The following RFC3 variants were observed in gnomAD, a reference collection of about 807,000 sequenced individuals.
The protein encoded by RFC3 is A1 38 kDa subunit.
A neutral mutation model predicts 45.1 loss-of-function variants in RFC3; 41 were observed. That is an observed-to-expected ratio of 0.91 (90% CI 0.71 to 1.18). The LOEUF (loss-of-function observed/expected upper bound fraction) is 1.18, where lower values mean the gene tolerates loss of function less well. Ranked by LOEUF, RFC3 falls within the 50% of genes most tolerant of loss-of-function variation. The probability of loss-of-function intolerance (pLI) is 0.00; values close to 1 mark genes in which losing one functional copy is unlikely to be tolerated. For missense variants in RFC3, 423 were observed against 428.1 expected, an observed-to-expected ratio of 0.99 and a Z score of 0.10; for synonymous variants, 149 against 144.0, an observed-to-expected ratio of 1.03 and a Z score of -0.25.
intron 8 of RFC3, among the ~76,000 whole-genome samples, chr13:33,891,864 TTAAGAA>T (rs1037310692): frequency 1.9e-4 from 29 of 152,222 alleles, no homozygotes; most frequent in African/African-American, 6.5e-4. Flanking sequence ...GTCCCATATA[TTAAGAA>T]TAAGAATAGT....
rs9570617 is a variant in RFC3 at position 33,936,386 on chromosome 13, T to G, written c.880-29701T>G. On this transcript the variant is annotated intron_variant, in intron 8 of 8. Transcript: ENST00000434425. ...ATTTAGTTATAACCATGGATGCTAT[T>G]ATGGGTTGAATTTTGTACCCCCCAA... Among the ~76,000 whole-genome samples the G allele has an allele frequency of 5.5e-4, 83 of 152,190 alleles. No individual in the cohort carries two copies. The East Asian group carries it at 0.015, about 28-fold the overall frequency.
the RFC3 span, among the ~76,000 whole-genome samples, chr13:33,974,627 T>C: frequency 6.6e-6 from 1 of 152,188 alleles, no homozygotes; most frequent in African/African-American, 2.4e-5. Flanking sequence ...AGTAAGAATA[T>C]GCAATGTCAA....
intron 8 of RFC3, among the ~76,000 whole-genome samples, chr13:33,885,832 C>T (rs371275283): frequency 6.6e-6 from 1 of 152,242 alleles, no homozygotes; most frequent in South Asian, 2.1e-4. Context: ...GAGTTGCCTA[C>T]CCCAGAGCTC....
chr13:33,898,981 A>G (rs563699228), intron 8 of RFC3, among the ~76,000 whole-genome samples: 3 of 151,860 alleles, frequency 2.0e-5, no homozygotes, highest in Non-Finnish European at 4.4e-5. Flanking sequence ...CCACAAACCA[A>G]TAACAAGTAA....
At chr13:33,973,685 C>G in the RFC3 span, among the ~76,000 whole-genome samples, 1 of 147,842 alleles carries the variant, frequency 6.8e-6, no homozygotes, top group South Asian at 2.1e-4. Flanking sequence ...GAGTCTCACT[C>G]TGTTGCCCAG....
chr13:33,825,172 TTGAC>T (rs1429553649), intron 3 of RFC3, among the ~76,000 whole-genome samples: 3 of 152,196 alleles, frequency 2.0e-5, no homozygotes, highest in African/African-American at 7.2e-5. Flanking sequence ...TGAGAGGTCT[TTGAC>T]TGAAGTGCCA....
chr13:33,970,954 G>C (rs1313366999), downstream of RFC3, among the ~76,000 whole-genome samples: 1 of 152,170 alleles, frequency 6.6e-6, no homozygotes, highest in African/African-American at 2.4e-5. Context: ...CACTTAAATG[G>C]CAACAGCCAG....
intron 8 of RFC3, among the ~76,000 whole-genome samples, chr13:33,855,001 A>G (rs9634895): frequency 0.061 from 9,336 of 152,154 alleles, 427 homozygotes; most frequent in South Asian, 0.15. Context: ...CATAAGCTCT[A>G]TGAACATGGT....
At chr13:33,962,048 G>A (rs913159830) in intron 8 of RFC3, among the ~76,000 whole-genome samples, 15 of 152,170 alleles carry the variant, frequency 9.9e-5, no homozygotes, top group Admixed American at 1.3e-4. Flanking sequence ...GGAGTGTCAG[G>A]CAAGCCCTTC....
chr13:33,818,947 A>G (rs1377193406), intron 1 of RFC3, among the ~76,000 whole-genome samples: 2 of 143,338 alleles, frequency 1.4e-5, no homozygotes, highest in African/African-American at 5.4e-5. Context: ...CTGGAATGCA[A>G]TGGCGCGGTC....
At chr13:33,910,057 T>A in intron 8 of RFC3, among the ~76,000 whole-genome samples, 1 of 152,126 alleles carries the variant, frequency 6.6e-6, no homozygotes. Flanking sequence ...TGGCATTAAT[T>A]AATTTCATTT....
At chr13:33,908,587 GA>G (rs1404446155) in intron 8 of RFC3, among the ~76,000 whole-genome samples, 3 of 144,792 alleles carry the variant, frequency 2.1e-5, no homozygotes, top group Non-Finnish European at 4.5e-5. Context: ...GTTCGCCAGA[GA>G]AAAAGAACAC....
chr13:33,940,189 C>A (rs537808313), intron 8 of RFC3, among the ~76,000 whole-genome samples: 133 of 151,880 alleles, frequency 8.8e-4, no homozygotes, highest in South Asian at 6.7e-3. Flanking sequence ...TAATTTTGAA[C>A]CTTTCTTCTG....
At chr13:33,948,034 T>C (rs904342903) in intron 8 of RFC3, among the ~76,000 whole-genome samples, 1 of 151,824 alleles carries the variant, frequency 6.6e-6, no homozygotes, top group Non-Finnish European at 1.5e-5. Context: ...TAATGAGGAG[T>C]GAAATGTTAA....
At chr13:33,890,178 A>G (rs2082554810) in intron 8 of RFC3, among the ~76,000 whole-genome samples, 1 of 152,156 alleles carries the variant, frequency 6.6e-6, no homozygotes, top group African/African-American at 2.4e-5. Context: ...GTAGGGTCCC[A>G]GCTTTGACTT....
intron 8 of RFC3, among the ~76,000 whole-genome samples, chr13:33,883,537 C>A (rs7327090): frequency 6.6e-6 from 1 of 151,942 alleles, no homozygotes; most frequent in Non-Finnish European, 1.5e-5. Flanking sequence ...AACACTCACA[C>A]CTGAAACAAT....
At chr13:33,869,231 T>C (rs2082392427) in intron 8 of RFC3, among the ~76,000 whole-genome samples, 1 of 152,214 alleles carries the variant, frequency 6.6e-6, no homozygotes, top group Non-Finnish European at 1.5e-5. Context: ...CAATATCCTT[T>C]TGGCAAATGC....
downstream of RFC3, among the ~76,000 whole-genome samples, chr13:33,840,821 C>T (rs776386207): frequency 6.6e-6 from 1 of 152,008 alleles, no homozygotes; most frequent in Non-Finnish European, 1.5e-5. Context: ...ATATGTGTAG[C>T]TACTAGTCTG....
chr13:33,950,101 A>T (rs1040604983), intron 8 of RFC3, among the ~76,000 whole-genome samples: 1 of 150,234 alleles, frequency 6.7e-6, no homozygotes, highest in African/African-American at 2.5e-5. Context: ...ACACACACAC[A>T]CACACCCCGT....
Sources: allele counts gnomAD v4.1 joint callset (sites outside exome capture counted in the v4.1 genomes callset), GRCh38; gene constraint gnomAD v4.1.1; transcripts MANE v1.5; gene names NCBI Gene and HGNC (gene_info 2026-07-23, HGNC 2026-07-21).